Variants in DPH6 observed in about 807,000 individuals in gnomAD.
DPH6 encodes the protein diphthamine biosynthesis 6, also known as diphthine--ammonia ligase.
DPH6 carries 33 observed loss-of-function variants against 38.2 expected under a neutral mutation model. The observed-to-expected ratio is 0.86, with a 90% CI of 0.65 to 1.15. The LOEUF (loss-of-function observed/expected upper bound fraction) is 1.15. DPH6 is among the 50% of genes most tolerant of loss of function. The pLI is 0.00. For missense variants in DPH6, 325 were observed against 320.0 expected (o/e 1.02, Z -0.12); for synonymous variants, 108 against 103.0 (o/e 1.05, Z -0.30).
intron 3 of DPH6, among the ~76,000 whole-genome samples, chr15:35,360,983 G>A (rs2052609367): frequency 6.6e-6 from 1 of 152,196 alleles, no homozygotes; most frequent in Admixed American, 6.5e-5. Context: ...TGAGTCACAG[G>A]TCTCAGGATC....
intron 3 of DPH6, chr15:35,299,548 T>C (rs1011689776): frequency 1.9e-6 from 1 of 539,840 alleles, no homozygotes; most frequent in Non-Finnish European, 3.3e-6. Context: ...CACCCTCCGC[T>C]GAGTCCGCGG....
chr15:35,508,050 G>A (rs1451899980), intron 3 of DPH6, among the ~76,000 whole-genome samples: 4 of 151,870 alleles, frequency 2.6e-5, no homozygotes, highest in Admixed American at 2.0e-4. Flanking sequence ...CCTCAAGAAT[G>A]CGCTGACTGA....
chr15:35,354,344 T>C (rs2052541272), intron 3 of DPH6, among the ~76,000 whole-genome samples: 1 of 152,182 alleles, frequency 6.6e-6, no homozygotes, highest in African/African-American at 2.4e-5. Flanking sequence ...AGAGAGAGCA[T>C]CCCTGTCTTG....
At chr15:35,429,270 A>G (rs1321181584) in intron 5 of DPH6, among the ~76,000 whole-genome samples, 1 of 152,136 alleles carries the variant, frequency 6.6e-6, no homozygotes, top group Non-Finnish European at 1.5e-5. Flanking sequence ...CTTCAGTGCT[A>G]TTGTTTAGCA....
At chr15:35,287,038 G>A (rs1252335249) in intron 3 of DPH6, among the ~76,000 whole-genome samples, 1 of 152,130 alleles carries the variant, frequency 6.6e-6, no homozygotes, top group African/African-American at 2.4e-5. Flanking sequence ...TTGTTAAAAT[G>A]TGACACAAGA....
chr15:35,295,912 C>CTATTTTATTT (rs200342844), intron 3 of DPH6, among the ~76,000 whole-genome samples: 16 of 151,228 alleles, frequency 1.1e-4, no homozygotes, highest in African/African-American at 3.7e-4. Flanking sequence ...CTTACTATGT[C>CTATTTTATTT]TATTTTATTT....
chr15:35,528,874 C>T (rs1294441196), intron 3 of DPH6, among the ~76,000 whole-genome samples: 1 of 152,130 alleles, frequency 6.6e-6, no homozygotes, highest in African/African-American at 2.4e-5. Context: ...AATACCATCT[C>T]AGGGGCTTTC....
intron 3 of DPH6, among the ~76,000 whole-genome samples, chr15:35,284,230 A>G (rs935740214): frequency 5.9e-5 from 9 of 152,200 alleles, no homozygotes; most frequent in African/African-American, 1.7e-4. Context: ...ATAAGCATAC[A>G]ATATAATCTT....
chr15:35,442,517 C>T (rs917969263), intron 5 of DPH6, among the ~76,000 whole-genome samples: 14 of 152,054 alleles, frequency 9.2e-5, no homozygotes, highest in Admixed American at 4.6e-4. Flanking sequence ...AGAAATTCCA[C>T]TCCTAGGTAT....
chr15:35,451,525 C>G (rs1392151485), intron 4 of DPH6, among the ~76,000 whole-genome samples: 1 of 152,122 alleles, frequency 6.6e-6, no homozygotes, highest in Non-Finnish European at 1.5e-5. Flanking sequence ...TGAAATCATC[C>G]TTTCCTTTTC....
At position 35,298,731 on chromosome 15, in the gene DPH6, T is replaced by C. The variant is rs57703316; in HGVS notation, n.200+74790A>G. 8,557 of 1,580,442 alleles carry C rather than the reference T, an allele frequency of 5.4e-3. 382 individuals carry two copies. In the African/African-American group the frequency reaches 0.1, roughly 19 times the overall value. On this transcript the variant is annotated intron_variant and non_coding_transcript_variant, in intron 3 of 3. Coordinates refer to the DPH6 transcript ENST00000560386. ...CGGAAGCCGTACTTCTGTATGATCT[T>C]GTGCGCCACCGTGCCCCCCAAGTTA...
intron 3 of DPH6, among the ~76,000 whole-genome samples, chr15:35,468,862 G>C (rs1299040120): frequency 6.6e-6 from 1 of 152,148 alleles, no homozygotes; most frequent in Non-Finnish European, 1.5e-5. Context: ...GGTGTTCGGA[G>C]TTCAAGACAA....
intron 3 of DPH6, among the ~76,000 whole-genome samples, chr15:35,264,910 C>T (rs1050881774): frequency 1.6e-4 from 25 of 152,094 alleles, no homozygotes; most frequent in Non-Finnish European, 3.5e-4. Context: ...CATTTGGCCT[C>T]CATAGGCAGA....
rs1318680840 is a variant in DPH6 at position 35,401,706 on chromosome 15, C to T, written c.567+9129G>A. ...AGGCCAATACTTTGCCAAACCACGA[C>T]ACCAAGGTGGCTATGGTGGTTCCAG... On this transcript the variant is annotated intron_variant, in intron 6 of 8. Coordinates refer to ENST00000256538, the MANE Select transcript of DPH6 (RefSeq NM_080650.4). 2.7e-4 allele frequency: 200 copies of T among 732,020 alleles called. No homozygotes were observed. In the East Asian group the frequency reaches 5.0e-3, roughly 18 times the overall value. 45.3% of individuals were successfully genotyped at this position (732,020 alleles called of 1,614,324 possible). A position where few individuals can be genotyped will look rare whatever the true frequency, so the allele number is the denominator to read the frequency against.
intron 7 of DPH6, among the ~76,000 whole-genome samples, chr15:35,374,475 A>G (rs904179564): frequency 2.0e-5 from 3 of 152,084 alleles, no homozygotes; most frequent in Admixed American, 2.0e-4. Context: ...GACTTGTATC[A>G]TGCAAAGTTA....
intron 3 of DPH6, among the ~76,000 whole-genome samples, chr15:35,271,358 T>C (rs1360670874): frequency 6.6e-6 from 1 of 152,168 alleles, no homozygotes; most frequent in East Asian, 1.9e-4. Context: ...AGAAAAGGGA[T>C]ATGAAAATAT....
intron 3 of DPH6, among the ~76,000 whole-genome samples, chr15:35,364,067 G>A (rs2052636342): frequency 6.6e-6 from 1 of 151,532 alleles, no homozygotes; most frequent in African/African-American, 2.4e-5. Flanking sequence ...TCTCTTTCCT[G>A]CATCTCTGAT....
chr15:35,501,570 GTTTA>G (rs749696173), intron 3 of DPH6, among the ~76,000 whole-genome samples: 27 of 152,048 alleles, frequency 1.8e-4, no homozygotes, highest in Admixed American at 1.1e-3. Context: ...GAGTCATTGA[GTTTA>G]TTTGAGTATT....
At chr15:35,444,892 T>TA (rs34788904) in intron 5 of DPH6, among the ~76,000 whole-genome samples, 96,294 of 151,998 alleles carry the variant, frequency 0.63, 34,706 homozygotes, top group South Asian at 0.84. Flanking sequence ...AGACCATTAC[T>TA]AAAAATGCCT....
Sources: gnomAD v4.1 joint callset for allele counts (sites outside exome capture counted in the v4.1 genomes callset) on GRCh38, gnomAD v4.1.1 for gene constraint, MANE v1.5 for transcripts, NCBI Gene and HGNC (gene_info 2026-07-23, HGNC 2026-07-21) for gene names.